BNC2: variants seen among roughly 807,000 people sequenced by gnomAD.
BNC2 encodes zinc finger protein basonuclin-2.
In BNC2, 20 loss-of-function variants were observed where a neutral mutation model predicts 76.3. That is an observed-to-expected ratio of 0.26 (90% CI 0.18 to 0.38). BNC2 has a LOEUF of 0.38. Among genes scored for constraint, BNC2 ranks in the 10% least tolerant of loss-of-function variants. The probability of loss-of-function intolerance (pLI) is 1.00; values close to 1 mark genes in which losing one functional copy is unlikely to be tolerated. For missense variants in BNC2, 1,382 were observed against 1,399.8 expected (o/e 0.99, Z 0.20); for synonymous variants, 582 against 514.8 (o/e 1.13, Z -1.77).
At chr9:16,671,407 G>A (rs1012372806) in intron 3 of BNC2, among the ~76,000 whole-genome samples, 1 of 152,194 alleles carries the variant, frequency 6.6e-6, no homozygotes, top group Non-Finnish European at 1.5e-5. Flanking sequence ...AAAGGCTGGA[G>A]AACACATCTA....
chr9:16,843,060 T>G (rs558791860), intron 1 of BNC2, among the ~76,000 whole-genome samples: 1 of 152,332 alleles, frequency 6.6e-6, no homozygotes, highest in Admixed American at 6.5e-5. Context: ...TTAACATTAC[T>G]GAACTGTACA....
At chr9:16,746,066 T>C (rs1196249398) in intron 1 of BNC2, among the ~76,000 whole-genome samples, 2 of 152,194 alleles carry the variant, frequency 1.3e-5, no homozygotes, top group Non-Finnish European at 2.9e-5. Context: ...TGCTTTACTA[T>C]ACAATCAAGG....
chr9:16,499,115 T>C (rs1822463007), intron 5 of BNC2, among the ~76,000 whole-genome samples: 1 of 152,230 alleles, frequency 6.6e-6, no homozygotes, highest in South Asian at 2.1e-4. Flanking sequence ...ATGATTATAG[T>C]TAAAATACAC....
chr9:16,714,503 C>T (rs1823942466), intron 3 of BNC2, among the ~76,000 whole-genome samples: 1 of 152,222 alleles, frequency 6.6e-6, no homozygotes, highest in Non-Finnish European at 1.5e-5. Context: ...TCCTTACAAG[C>T]TGCACCAGCA....
At chr9:16,706,022 A>C (rs6651523) in intron 3 of BNC2, among the ~76,000 whole-genome samples, 9,453 of 152,308 alleles carry the variant, frequency 0.062, 449 homozygotes, top group South Asian at 0.13. Flanking sequence ...AACATAACTG[A>C]CAAGCAACTA....
chr9:16,835,182 T>C (rs1295877707), intron 1 of BNC2, among the ~76,000 whole-genome samples: 3 of 152,224 alleles, frequency 2.0e-5, no homozygotes, highest in African/African-American at 7.2e-5. Flanking sequence ...CTTCATATAA[T>C]AGCAAACATT....
In BNC2 at chr9:16,699,136, T is replaced by C. The variant is rs1285075774; in HGVS notation, c.330+28661A>G. ...TTCTGTTTTTGTTTTTGTTTTTGTTTTGTCCTTTCCCTTTGTTTTAAAAAC... is the reference window on the plus strand; with the variant it reads ...TTCTGTTTTTGTTTTTGTTTTTGTTCTGTCCTTTCCCTTTGTTTTAAAAAC... On this transcript the variant is annotated intron_variant, in intron 3 of 6. Coordinates refer to ENST00000380672, the MANE Select transcript of BNC2 (RefSeq NM_017637.6). 4 of 459,534 alleles carry C rather than the reference T, an allele frequency of 8.7e-6. No homozygotes were observed. The Admixed American group carries it at 1.0e-4, about 12-fold the overall frequency. The allele number at this position is 459,534 out of a possible 1,614,324, so 28.5% of individuals were successfully genotyped here.
chr9:16,552,749 G>C lies in BNC2; in HGVS notation c.450C>G (p.Ser150Arg). Residue 150 changes from serine (S) to arginine (R), a missense_variant, in exon 5 of 7, where the codon AGC (serine) becomes AGG (arginine). Ser to Arg is a moderately radical substitution (Grantham distance 110). Around this residue, in one of 3 missense-constraint regions of BNC2, gnomAD observed 557 missense variants for 540.9 expected, o/e 1.03. Coordinates refer to ENST00000380672, the MANE Select transcript of BNC2 (RefSeq NM_017637.6). The part of the protein sequence containing the change: ...GWVAHALDKL[S>R]TQHLYHPTQV... ...GGGTGGGGTGGTACAGGTGCTGCGT[G>C]CTGAGCTTATCCAAGGCTGTGGTGG... The C allele has an allele frequency of 6.2e-7, 1 of 1,614,152 alleles. No individual in the cohort carries two copies. Among genetic ancestry groups the C allele is most frequent in the South Asian group, 1.1e-5 (1 of 91,084 alleles).
At chr9:16,577,596 T>TA (rs903907040) in intron 4 of BNC2, among the ~76,000 whole-genome samples, 9 of 151,234 alleles carry the variant, frequency 6.0e-5, no homozygotes, top group Middle Eastern at 6.8e-3. Context: ...TACTTTACAT[T>TA]AAAAAAAAAT....
intron 3 of BNC2, among the ~76,000 whole-genome samples, chr9:16,628,792 T>C (rs1000908287): frequency 1.3e-5 from 2 of 152,200 alleles, no homozygotes; most frequent in African/African-American, 4.8e-5. Context: ...ACAAATGCAC[T>C]TTTCCTTTCT....
chr9:16,749,587 C>T (rs1181097987), intron 1 of BNC2, among the ~76,000 whole-genome samples: 1 of 151,904 alleles, frequency 6.6e-6, no homozygotes, highest in Non-Finnish European at 1.5e-5. Flanking sequence ...GTGGTCCCTA[C>T]TACTCAGGAG....
At chr9:16,655,023 T>C (rs1821888929) in intron 3 of BNC2, among the ~76,000 whole-genome samples, 3 of 151,956 alleles carry the variant, frequency 2.0e-5, no homozygotes. Flanking sequence ...GATCAATAAC[T>C]GTGGTTTAAC....
intron 5 of BNC2, among the ~76,000 whole-genome samples, chr9:16,495,658 G>A (rs1220348233): frequency 6.6e-6 from 1 of 152,216 alleles, no homozygotes; most frequent in Non-Finnish European, 1.5e-5. Context: ...TATCCGCTCA[G>A]AAAGAACACC....
Position 16,762,954 on chromosome 9 carries a change from T to C in BNC2, c.4-24469A>G, listed in dbSNP as rs190465689. On this transcript the variant is annotated intron_variant, in intron 1 of 6. Transcript: ENST00000380672. The stretch of plus-strand genomic sequence containing the variant: ...GGCAGATAGATACTATCATTTCCAG[T>C]GTACATAATAGAAAATCAAGGAAGA... 2.9e-4 allele frequency among the ~76,000 whole-genome samples: 44 copies of C among 152,198 alleles called. 1 individual carries two copies. In the East Asian group the frequency reaches 7.0e-3, roughly 24 times the overall value.
At chr9:16,686,494 T>C (rs1241504152) in intron 3 of BNC2, among the ~76,000 whole-genome samples, 1 of 152,198 alleles carries the variant, frequency 6.6e-6, no homozygotes, top group East Asian at 1.9e-4. Flanking sequence ...CTTATACTAC[T>C]CACACTAATC....
rs1334818817 is a variant in BNC2 at position 16,412,641 on chromosome 9, G to A, written c.*6348C>T. 6.6e-6 allele frequency: 1 copy of A among 152,210 alleles called. No individual in the cohort carries two copies. The highest frequency in any genetic ancestry group is 6.6e-5 in the Admixed American group (1 of 15,214). The allele number at this position is 152,210 out of a possible 1,614,324, so 9.4% of individuals were successfully genotyped here. A position where few individuals can be genotyped will look rare whatever the true frequency, so the allele number is the denominator to read the frequency against. ...GAGAGGGCATCGAGAGGCAGCCTTG[G>A]GCTTCCCACAGATACAGTAGGTGTG... On this transcript the variant is annotated 3_prime_UTR_variant, in exon 7 of 7. Transcript: ENST00000380672.
intron 3 of BNC2, among the ~76,000 whole-genome samples, chr9:16,615,410 C>A (rs1251866951): frequency 6.6e-6 from 1 of 152,072 alleles, no homozygotes; most frequent in Admixed American, 6.6e-5. Flanking sequence ...TCTGACATTT[C>A]CCCATCCTTT....
intron 5 of BNC2, among the ~76,000 whole-genome samples, chr9:16,455,759 T>A (rs1206799704): frequency 1.3e-5 from 2 of 149,158 alleles, no homozygotes; most frequent in Non-Finnish European, 3.0e-5. Context: ...ACCATTGCAC[T>A]CCAGCCTGGG....
chr9:16,820,741 GTCT>G (rs1023284274), intron 1 of BNC2, among the ~76,000 whole-genome samples: 1 of 151,756 alleles, frequency 6.6e-6, no homozygotes, highest in African/African-American at 2.4e-5. Context: ...TAAACAAGTG[GTCT>G]TTTTTGAAGT....
Sources: allele counts gnomAD v4.1 joint callset (sites outside exome capture counted in the v4.1 genomes callset), GRCh38; gene constraint gnomAD v4.1.1; regional missense constraint gnomAD v4.1.1; transcripts MANE v1.5; gene names NCBI Gene and HGNC (gene_info 2026-07-23, HGNC 2026-07-21).